UBQLN4: variants seen among roughly 807,000 people sequenced by gnomAD.
UBQLN4 encodes ubiquilin-4.
A neutral mutation model predicts 60.4 loss-of-function variants in UBQLN4; 11 were observed. That is an observed-to-expected ratio of 0.18 (90% CI 0.11 to 0.30). The LOEUF is 0.30. Ranked by LOEUF, UBQLN4 falls within the 10% of genes least tolerant of loss-of-function variation. The probability of loss-of-function intolerance (pLI) is 1.00; values close to 1 mark genes in which losing one functional copy is unlikely to be tolerated. For synonymous variants in UBQLN4, 258 were observed against 313.1 expected (o/e 0.82, Z 1.86); for missense variants, 417 against 795.5 (o/e 0.52, Z 5.72).
chr1:156,048,544 T>A lies in UBQLN4; in HGVS notation c.857A>T (p.Tyr286Phe). 6.2e-7 allele frequency: 1 copy of A among 1,613,150 alleles called. No individual in the cohort carries two copies. The highest frequency in any genetic ancestry group is 8.5e-7 in the Non-Finnish European group (1 of 1,179,200). The change falls in exon 5 of 11, where the codon TAC becomes TTC. Residue 286 changes from tyrosine to phenylalanine, a missense_variant. Coordinates refer to ENST00000368309, the MANE Select transcript of UBQLN4 (RefSeq NM_020131.5). This position sits in a 1 kb window ranked among gnomAD's most constrained non-coding sequence, Gnocchi z 4.9. ...PGGYNALRRM[Y>F]TDIQEPMFSA... is the part of the protein sequence containing the mutation. ...GAACATGGGCTCCTGGATGTCCGTG[T>A]ACATGCGGCGGAGGGCATTATACCC...
intron 5 of UBQLN4, among the ~76,000 whole-genome samples, chr1:156,044,706 C>T (rs763047212): frequency 1.5e-4 from 23 of 152,064 alleles, no homozygotes; most frequent in Non-Finnish European, 2.8e-4. Flanking sequence ...GAACCCCGAT[C>T]TTCCCTTTCC....
intron 5 of UBQLN4, among the ~76,000 whole-genome samples, chr1:156,047,254 T>C (rs1486220665): frequency 6.6e-6 from 1 of 150,712 alleles, no homozygotes; most frequent in East Asian, 1.9e-4. Context: ...TTTTTTTTTT[T>C]TTTTTTTGAG....
chr1:156,052,624 G>A (rs746191082), intron 1 of UBQLN4, among the ~76,000 whole-genome samples: 1 of 152,088 alleles, frequency 6.6e-6, no homozygotes, highest in Non-Finnish European at 1.5e-5. Flanking sequence ...ACGCCCAGCC[G>A]TATCTCCATT....
downstream of UBQLN4, among the ~76,000 whole-genome samples, chr1:156,032,858 G>A (rs903121466): frequency 6.6e-6 from 1 of 152,200 alleles, no homozygotes; most frequent in Non-Finnish European, 1.5e-5. Flanking sequence ...CAGACGAAGA[G>A]GCGGAAGCAG....
chr1:156,041,408 T>C, intron 10 of UBQLN4, 77 bp downstream of exon 10: 1 of 1,440,766 alleles, frequency 6.9e-7, no homozygotes, highest in Non-Finnish European at 9.2e-7. Context: ...CCCTACTGCC[T>C]CTATTCTATT....
At chr1:156,043,801 G>A (rs1683629361) in intron 6 of UBQLN4, among the ~76,000 whole-genome samples, 197 bp downstream of exon 6, 1 of 152,034 alleles carries the variant, frequency 6.6e-6, no homozygotes, top group African/African-American at 2.4e-5. Context: ...TATTACTTAG[G>A]TCACTCCTAG....
At chr1:156,040,604 C>G (rs1400816758) in intron 10 of UBQLN4, among the ~76,000 whole-genome samples, 2 of 151,900 alleles carry the variant, frequency 1.3e-5, no homozygotes. Flanking sequence ...TGCCACCACG[C>G]CTGGCTAATT....
At chr1:156,049,629 C>T (rs557875540) in intron 4 of UBQLN4, among the ~76,000 whole-genome samples, 6 of 152,356 alleles carry the variant, frequency 3.9e-5, no homozygotes, top group African/African-American at 1.4e-4. Flanking sequence ...TACTGCATGA[C>T]TACCACGCAC....
intron 5 of UBQLN4, among the ~76,000 whole-genome samples, chr1:156,044,512 A>T (rs1448594027): frequency 6.6e-6 from 1 of 152,074 alleles, no homozygotes; most frequent in Non-Finnish European, 1.5e-5. Flanking sequence ...ATCATCTCCT[A>T]TGTAACCCAC....
intron 6 of UBQLN4, among the ~76,000 whole-genome samples, chr1:156,043,591 G>T (rs1683623509): frequency 6.6e-6 from 1 of 152,086 alleles, no homozygotes; most frequent in South Asian, 2.1e-4. Flanking sequence ...ATCCTCTAGG[G>T]TTGTGCAGTG....
In UBQLN4 at chr1:156,037,115, C is replaced by T; in HGVS notation, c.1669G>A (p.Val557Met). 2 of 1,614,186 alleles carry T rather than the reference C, an allele frequency of 1.2e-6. No individual in the cohort carries two copies. The highest frequency in any genetic ancestry group is 1.7e-6 in the Non-Finnish European group (2 of 1,180,008). The change falls in exon 11 of 11, where the codon GTG (valine) becomes ATG (methionine). Residue 557 changes from valine (V) to methionine (M), a missense_variant. Physicochemically the swap from Val to Met is conservative, Grantham distance 21. Transcript: ENST00000368309. ...TGCTCCAGCTGCTGCTGAAATCTCA[C>T]TTCTGGCGTCTGCACCTGGAGGGGA... ...SGNSQVQTPE[V>M]RFQQQLEQLN... is the part of the protein sequence containing the mutation.
At position 156,037,512 on chromosome 1, in the gene UBQLN4, C is replaced by T. The variant is rs1020761206; in HGVS notation, c.1654-382G>A. 4.6e-5 allele frequency among the ~76,000 whole-genome samples: 7 copies of T among 152,164 alleles called. No individual in the cohort carries two copies. In the East Asian group the frequency reaches 5.8e-4, roughly 13 times the overall value. On this transcript the variant is annotated intron_variant, in intron 10 of 10. Coordinates refer to ENST00000368309, the MANE Select transcript of UBQLN4 (RefSeq NM_020131.5). ...TCAGGAGGCTGAGGCAGGAGAATGG[C>T]GTGAATCCGGGAGGCGGAGCTTGCA... is the stretch of plus-strand genomic sequence containing the variant.
rs571197089 is a variant in UBQLN4 at position 156,036,249 on chromosome 1, C to G, written c.*729G>C. On this transcript the variant is annotated 3_prime_UTR_variant, in exon 11 of 11. Coordinates refer to ENST00000368309, the MANE Select transcript of UBQLN4 (RefSeq NM_020131.5). ...AATTCCAACTTCCAAGCCTTTTACTCAGGCTGTCTCCCCCATTCCCTTCCT... is the reference window on the plus strand; with the variant it reads ...AATTCCAACTTCCAAGCCTTTTACTGAGGCTGTCTCCCCCATTCCCTTCCT... The G allele has an allele frequency of 1.1e-5, 11 of 985,624 alleles. No individual in the cohort carries two copies. The East Asian group carries it at 7.8e-4, about 70-fold the overall frequency. 61.1% of individuals were successfully genotyped at this position (985,624 alleles called of 1,614,324 possible).
downstream of UBQLN4, among the ~76,000 whole-genome samples, chr1:156,032,638 T>G (rs1683315409): frequency 6.6e-6 from 1 of 152,096 alleles, no homozygotes; most frequent in African/African-American, 2.4e-5. Flanking sequence ...GCCAGGACAG[T>G]GTTTTTTAAC....
rs745699214 is a variant in UBQLN4 at position 156,051,182 on chromosome 1, G to A, written c.406C>T (p.Arg136Trp). ...GAGGGCCCCCCACCACTGCTCCTCC[G>A]GCTTCCACTGCCAGCATCTGAAGAG... ...SASSDAGSGSRRSSGGGPSPG... is the reference protein window; with the variant it reads ...SASSDAGSGSWRSSGGGPSPG... The change falls in exon 3 of 11, where the codon CGG becomes TGG. Residue 136 changes from arginine to tryptophan, a missense_variant. Transcript: ENST00000368309. The A allele has an allele frequency of 9.9e-6, 16 of 1,611,704 alleles. No homozygotes were observed. The highest frequency in any genetic ancestry group is 4.5e-5 in the East Asian group (2 of 44,856).
chr1:156,043,449 T>TA (rs1405097763), intron 6 of UBQLN4, among the ~76,000 whole-genome samples: 1 of 151,996 alleles, frequency 6.6e-6, no homozygotes, highest in Non-Finnish European at 1.5e-5. Context: ...ACTTTACAAA[T>TA]AAGGAAACTA....
At chr1:156,034,869 A>ATG (rs1553255423), downstream of UBQLN4, among the ~76,000 whole-genome samples, 70 of 83,198 alleles carry the variant, frequency 8.4e-4, 2 homozygotes, top group African/African-American at 3.0e-3. Flanking sequence ...ATATATATAT[A>ATG]TAATTTTTTT....
At position 156,050,533 on chromosome 1, in the gene UBQLN4, C is replaced by A. The variant is rs750595967; in HGVS notation, c.499G>T (p.Gly167Trp). The part of the protein sequence containing the change: ...SILSGFGGIL[G>W]LGSLGLGSAN... ...GAGCCCAGGCCTAGGCTGCCCAGCC[C>A]CAGGATGCCCCCAAAGCCAGCTGTG... The change falls in exon 4 of 11, where the codon GGG (glycine) becomes TGG (tryptophan). Residue 167 changes from glycine to tryptophan, a missense_variant. Transcript: ENST00000368309. The surrounding 1 kb of genome is among the most constrained non-coding windows in gnomAD (Gnocchi z 4.6). 1 of 1,611,728 alleles carries A rather than the reference C, an allele frequency of 6.2e-7. No individual in the cohort carries two copies. The highest frequency in any genetic ancestry group is 1.7e-5 in the Admixed American group (1 of 59,852).
intron 1 of UBQLN4, 148 bp from the exon 2 acceptor site, chr1:156,052,005 G>T: frequency 1.1e-6 from 1 of 907,444 alleles, no homozygotes; most frequent in Non-Finnish European, 1.6e-6. Flanking sequence ...CATTCCTCCA[G>T]CTGCAATAAG....
Sources: gnomAD v4.1 joint callset for allele counts (sites outside exome capture counted in the v4.1 genomes callset) on GRCh38, gnomAD v4.1.1 for gene constraint, Gnocchi (gnomAD v3.1) non-coding constraint, MANE v1.5 for transcripts, NCBI Gene and HGNC (gene_info 2026-07-23, HGNC 2026-07-21) for gene names.